The following TMPRSS9 variants were observed in gnomAD, a reference collection of about 807,000 sequenced individuals.
TMPRSS9 encodes transmembrane serine protease 9.
In TMPRSS9, 113 loss-of-function variants were observed where a neutral mutation model predicts 111.4. The ratio of observed to expected loss-of-function variants is 1.01; its 90% CI spans 0.87 to 1.19. The LOEUF is 1.19. Among genes scored for constraint, TMPRSS9 ranks in the 50% most tolerant of loss-of-function variants. The pLI is 0.00. For missense variants in TMPRSS9, 1,803 were observed against 1,513.1 expected, an observed-to-expected ratio of 1.19 and a Z score of -3.18; for synonymous variants, 805 against 659.1, an observed-to-expected ratio of 1.22 and a Z score of -3.39.
chr19:2,415,870 C>T, intron 11 of TMPRSS9, 29 bp downstream of exon 12: 2 of 1,543,058 alleles, frequency 1.3e-6, no homozygotes, highest in Admixed American at 1.8e-5. Context: ...AGGAAGGCTG[C>T]CCGGCTTCCC....
At chr19:2,396,787 T>A in intron 2 of TMPRSS9, 121 bp downstream of exon 3, 1 of 1,384,410 alleles carries the variant, frequency 7.2e-7, no homozygotes, top group South Asian at 1.4e-5. Flanking sequence ...AGGTGGAGGC[T>A]GTGAGACCGG....
At chr19:2,420,380 C>G (rs1568191621) in intron 13 of TMPRSS9, among the ~76,000 whole-genome samples, 1 of 145,546 alleles carries the variant, frequency 6.9e-6, no homozygotes, top group Non-Finnish European at 1.5e-5. Context: ...AGGCGGAGGT[C>G]ACAGTGAGCC....
At chr19:2,389,487 A>G (rs533080989), upstream of TMPRSS9, among the ~76,000 whole-genome samples, 1 of 148,806 alleles carries the variant, frequency 6.7e-6, no homozygotes, top group South Asian at 2.1e-4. Flanking sequence ...CTCCTGCCTC[A>G]GCCTCCTGGG....
chr19:2,423,526 C>G (rs1481032214), intron 14 of TMPRSS9, among the ~76,000 whole-genome samples: 1 of 150,470 alleles, frequency 6.6e-6, no homozygotes, highest in Admixed American at 6.6e-5. Context: ...GGCGGGGGGG[C>G]TTGCCCCTGA....
chr19:2,382,751 A>G (rs1295610450), intron 1 of TMPRSS9, among the ~76,000 whole-genome samples: 1 of 151,982 alleles, frequency 6.6e-6, no homozygotes, highest in Non-Finnish European at 1.5e-5. Context: ...GCACACATCC[A>G]CACATACACA....
exon 11 of TMPRSS9, chr19:2,415,826 C>T: frequency 6.3e-7 from 1 of 1,596,210 alleles, no homozygotes; most frequent in Non-Finnish European, 8.6e-7. Context: ...CTGTCTGCCG[C>T]CCACTGCTTC....
At chr19:2,415,630 G>C in intron 10 of TMPRSS9, 40 bp from the exon 12 acceptor site, 1 of 1,500,520 alleles carries the variant, frequency 6.7e-7, no homozygotes, top group Non-Finnish European at 8.9e-7. Flanking sequence ...CACCCGAGCA[G>C]GCCAAGATCC....
At chr19:2,422,100 G>A (rs769838680) in exon 14 of TMPRSS9, 2 of 1,604,938 alleles carry the variant, frequency 1.2e-6, no homozygotes, top group African/African-American at 2.7e-5. Flanking sequence ...AGTCCCGGGG[G>A]CCACACCCAG....
In TMPRSS9 at chr19:2,424,156, GC is replaced by G; in HGVS notation, c.2618del (p.Pro873ArgfsTer4). On this transcript the variant is annotated frameshift_variant, in exon 15 of 18. Coordinates refer to ENST00000648592, the Ensembl canonical transcript of TMPRSS9. LOFTEE classifies it high-confidence loss of function. ...GCAGCGCAGCGGGCCGTGGGGAGTG[GC>G]CGTGGCAGGTGAGCCTGTGGCTGCG... The G allele has an allele frequency of 1.4e-6, 2 of 1,458,016 alleles. No homozygotes were observed. The highest frequency in any genetic ancestry group is 9.1e-7 in the Non-Finnish European group (1 of 1,100,612). 90.3% of individuals were successfully genotyped at this position (1,458,016 alleles called of 1,614,324 possible).
chr19:2,422,370 G>A lies in TMPRSS9; in HGVS notation c.2548+123G>A, dbSNP rs897130503. The A allele has an allele frequency of 6.6e-6, 8 of 1,210,498 alleles. No individual in the cohort carries two copies. The Admixed American group carries it at 1.2e-4, about 18-fold the overall frequency. 75.0% of individuals were successfully genotyped at this position (1,210,498 alleles called of 1,614,324 possible). A position where few individuals can be genotyped will look rare whatever the true frequency, so the allele number is the denominator to read the frequency against. ...CGAGGCGGGCGGATCAAGAGGTCAG[G>A]AGATCGAGACCATCCTGGCGAACAC... On this transcript the variant is annotated intron_variant, in intron 14 of 17. Coordinates refer to ENST00000648592, the Ensembl canonical transcript of TMPRSS9.
At chr19:2,394,613 A>G (rs926339408) in intron 1 of TMPRSS9, among the ~76,000 whole-genome samples, 7 of 137,608 alleles carry the variant, frequency 5.1e-5, no homozygotes, top group African/African-American at 1.6e-4. Flanking sequence ...AGTTTCTTGA[A>G]CGAGAAAACA....
intron 1 of TMPRSS9, among the ~76,000 whole-genome samples, chr19:2,373,913 T>G (rs775379311): frequency 6.6e-6 from 1 of 152,338 alleles, no homozygotes; most frequent in Middle Eastern, 3.4e-3. Flanking sequence ...TTAGGAAACT[T>G]GTCAGCTTTT....
intron 2 of TMPRSS9, 119 bp from the exon 4 acceptor site, chr19:2,398,676 A>G: frequency 2.1e-6 from 1 of 482,788 alleles, no homozygotes. Flanking sequence ...AATAAAAGGA[A>G]ATGCTTTCCC....
chr19:2,416,214 G>A, intron 11 of TMPRSS9: 1 of 441,718 alleles, frequency 2.3e-6, no homozygotes, highest in South Asian at 4.3e-5. Context: ...CTCCATCTGG[G>A]GCAACAGAGC....
At chr19:2,366,248 G>C (rs941179185) in intron 1 of TMPRSS9, among the ~76,000 whole-genome samples, 1 of 151,896 alleles carries the variant, frequency 6.6e-6, no homozygotes, top group Non-Finnish European at 1.5e-5. Context: ...TCAGGCGGCC[G>C]AGGTGGGAGG....
chr19:2,364,258 G>A (rs1195570535), intron 1 of TMPRSS9, among the ~76,000 whole-genome samples: 1 of 152,240 alleles, frequency 6.6e-6, no homozygotes, highest in Non-Finnish European at 1.5e-5. Flanking sequence ...GCCCAAGAAT[G>A]AAGCTGAGGC....
chr19:2,383,646 A>G (rs1049555600), intron 1 of TMPRSS9, among the ~76,000 whole-genome samples: 1 of 146,872 alleles, frequency 6.8e-6, no homozygotes, highest in African/African-American at 2.5e-5. Context: ...TCTACAAAGA[A>G]ATTTTTTAAC....
At chr19:2,408,575 C>T in exon 8 of TMPRSS9, 1 of 1,613,536 alleles carries the variant, frequency 6.2e-7, no homozygotes, top group South Asian at 1.1e-5. Context: ...CACACATCTT[C>T]CCACCCAGCA....
intron 1 of TMPRSS9, among the ~76,000 whole-genome samples, chr19:2,379,623 T>TTCTTTCTTTCTTTCTA (rs1555676540): frequency 7.3e-4 from 95 of 130,150 alleles, no homozygotes; most frequent in African/African-American, 2.8e-3. Flanking sequence ...TTCTCTTTCT[T>TTCTTTCTTTCTTTCTA]TCTTTCTTTC....
Sources: gnomAD v4.1 joint callset for allele counts (sites outside exome capture counted in the v4.1 genomes callset) on GRCh38, gnomAD v4.1.1 for gene constraint, MANE v1.5 for transcripts, NCBI Gene and HGNC (gene_info 2026-07-23, HGNC 2026-07-21) for gene names.